The following PLCB1 variants were observed in gnomAD, a reference collection of about 807,000 sequenced individuals.
PLCB1 encodes the protein 1-phosphatidylinositol 4,5-bisphosphate phosphodiesterase beta-1.
PLCB1 carries 46 observed loss-of-function variants against 161.8 expected under a neutral mutation model. That is an observed-to-expected ratio of 0.28 (90% CI 0.22 to 0.36). PLCB1 has a LOEUF of 0.36. Among genes scored for constraint, PLCB1 ranks in the 10% least tolerant of loss-of-function variants. PLCB1 has a pLI of 1.00. For missense variants in PLCB1, 1,016 were observed against 1,472.5 expected (o/e 0.69, Z 5.07); for synonymous variants, 517 against 503.7 (o/e 1.03, Z -0.35).
At chr20:8,364,702 C>A (rs968812123) in intron 2 of PLCB1, among the ~76,000 whole-genome samples, 1 of 152,172 alleles carries the variant, frequency 6.6e-6, no homozygotes, top group Non-Finnish European at 1.5e-5. Flanking sequence ...GATAAAAGTC[C>A]AAGGTCTTTT....
At chr20:8,465,547 C>G (rs1312961446) in intron 3 of PLCB1, among the ~76,000 whole-genome samples, 1 of 152,154 alleles carries the variant, frequency 6.6e-6, no homozygotes, top group African/African-American at 2.4e-5. Flanking sequence ...CCAACTCACA[C>G]ATTTGAAATC....
At position 8,883,826 on chromosome 20, in the gene PLCB1, T is replaced by A. The variant is rs888239433; in HGVS notation, c.*1977T>A. The A allele has an allele frequency of 2.7e-5, 4 of 150,706 alleles. No individual in the cohort carries two copies. Among genetic ancestry groups the A allele is most frequent in the Non-Finnish European group, 5.9e-5 (4 of 67,522 alleles). The allele number at this position is 150,706 out of a possible 1,614,324, so 9.3% of individuals were successfully genotyped here. ...AACTTAACTTCCAATGAAAAAGAAA[T>A]CTTTTGTAAATCATTCTACTTTTGC... On this transcript the variant is annotated 3_prime_UTR_variant, in exon 32 of 32. Transcript: ENST00000338037.
At chr20:8,135,463 G>A (rs897405135) in intron 1 of PLCB1, among the ~76,000 whole-genome samples, 6 of 152,140 alleles carry the variant, frequency 3.9e-5, no homozygotes, top group African/African-American at 1.4e-4. Flanking sequence ...GGCTGTGGAT[G>A]CTCTAAGGGT....
intron 2 of PLCB1, among the ~76,000 whole-genome samples, chr20:8,345,092 G>A (rs752477316): frequency 4.6e-5 from 7 of 152,158 alleles, no homozygotes; most frequent in Non-Finnish European, 1.0e-4. Flanking sequence ...TTTTTGAAAA[G>A]TAAAGAAGCT....
At chr20:8,162,656 C>T (rs545433128) in intron 2 of PLCB1, among the ~76,000 whole-genome samples, 1 of 152,302 alleles carries the variant, frequency 6.6e-6, no homozygotes, top group Admixed American at 6.5e-5. Context: ...TTCTCCCTGG[C>T]ATTGTGCAAA....
Position 8,281,046 on chromosome 20 carries a change from T to A in PLCB1, c.178-90336T>A, listed in dbSNP as rs183570629. ...CTTTTCTGGCCTGTGTACCTTTCTATGGCTACATAAAAAAATTAATAACCT... is the reference window on the plus strand; with the variant it reads ...CTTTTCTGGCCTGTGTACCTTTCTAAGGCTACATAAAAAAATTAATAACCT... On this transcript the variant is annotated intron_variant, in intron 2 of 31. Transcript: ENST00000338037. Among the ~76,000 whole-genome samples, 97 of 152,342 alleles carry A rather than the reference T, an allele frequency of 6.4e-4. 1 individual carries two copies. In the Middle Eastern group the frequency reaches 0.027, roughly 43 times the overall value.
intron 24 of PLCB1, among the ~76,000 whole-genome samples, chr20:8,759,896 ATTTTTTTTTT>A (rs3033840): frequency 5.1e-5 from 4 of 78,272 alleles, no homozygotes; most frequent in African/African-American, 2.0e-4. Context: ...ATAATATCAC[ATTTTTTTTTT>A]TTTTTTTTTT....
intron 2 of PLCB1, among the ~76,000 whole-genome samples, chr20:8,168,126 A>G (rs1366069437): frequency 1.3e-5 from 2 of 152,230 alleles, no homozygotes; most frequent in Admixed American, 6.5e-5. Context: ...CAGAATTGCC[A>G]TACTGGCACT....
intron 26 of PLCB1, among the ~76,000 whole-genome samples, chr20:8,771,299 C>T (rs1377360726): frequency 6.6e-6 from 1 of 152,070 alleles, no homozygotes; most frequent in Non-Finnish European, 1.5e-5. Context: ...AAATTAATTT[C>T]ACTCACTTAT....
In PLCB1 at chr20:8,175,803, CA is replaced by C. The variant is rs540886517; in HGVS notation, c.177+25433del. ...AGAATACATAAAGGACCTTCAAATT[CA>C]CAGGAAAAAAAACAAAAAACAAAAA... On this transcript the variant is annotated intron_variant, in intron 2 of 31. Transcript: ENST00000338037. 3.6e-4 allele frequency among the ~76,000 whole-genome samples: 55 copies of C among 151,912 alleles called. 1 individual carries two copies. Among genetic ancestry groups the C allele is most frequent in the African/African-American group, 1.3e-3 (54 of 41,442 alleles).
intron 2 of PLCB1, among the ~76,000 whole-genome samples, chr20:8,238,298 A>C (rs1568601311): frequency 6.6e-6 from 1 of 152,042 alleles, no homozygotes; most frequent in East Asian, 1.9e-4. Context: ...CTCCTGAATC[A>C]GACATGTCAG....
intron 2 of PLCB1, among the ~76,000 whole-genome samples, chr20:8,183,031 G>A (rs991350805): frequency 6.6e-6 from 1 of 152,150 alleles, no homozygotes; most frequent in African/African-American, 2.4e-5. Context: ...ATTCAGCTGA[G>A]CTGGGCCCAG....
At chr20:8,375,427 A>C (rs1987040972) in intron 3 of PLCB1, among the ~76,000 whole-genome samples, 1 of 152,256 alleles carries the variant, frequency 6.6e-6, no homozygotes, top group Non-Finnish European at 1.5e-5. Flanking sequence ...GCTCATGTGC[A>C]GCTTTCATAA....
intron 3 of PLCB1, among the ~76,000 whole-genome samples, chr20:8,391,828 C>CATATAT (rs1987613909): frequency 1.5e-5 from 2 of 132,414 alleles, no homozygotes; most frequent in South Asian, 2.5e-4. Flanking sequence ...TATATATACA[C>CATATAT]ACACATATAT....
chr20:8,657,854 A>G (rs6140672), intron 8 of PLCB1, among the ~76,000 whole-genome samples: 14,267 of 152,196 alleles, frequency 0.094, 787 homozygotes, highest in African/African-American at 0.15. Flanking sequence ...ACTGAAATCC[A>G]CATGACAGAA....
intron 2 of PLCB1, among the ~76,000 whole-genome samples, chr20:8,295,548 A>G (rs1046567124): frequency 6.6e-6 from 1 of 152,236 alleles, no homozygotes; most frequent in Non-Finnish European, 1.5e-5. Flanking sequence ...GACCAAATCT[A>G]TGTTTGCTAA....
At chr20:8,541,320 A>G (rs1046893249) in intron 3 of PLCB1, among the ~76,000 whole-genome samples, 2 of 152,202 alleles carry the variant, frequency 1.3e-5, no homozygotes, top group Admixed American at 6.5e-5. Context: ...TTCCACAGGC[A>G]GAAGAGAGCC....
rs867807355 is a variant in PLCB1, at chr20:8,215,275, G to A, written c.177+64904G>A. On this transcript the variant is annotated intron_variant, in intron 2 of 31. Transcript: ENST00000338037. ...GCTTCTTAAATTTCGGAATCGATTT[G>A]TTAATCTCAAAAGGCCGTAAAAACC... 1.5e-4 allele frequency among the ~76,000 whole-genome samples: 23 copies of A among 151,834 alleles called. No individual in the cohort carries two copies. In the South Asian group the frequency reaches 2.9e-3, roughly 19 times the overall value.
At chr20:8,188,231 G>C (rs1384942000) in intron 2 of PLCB1, among the ~76,000 whole-genome samples, 2 of 152,084 alleles carry the variant, frequency 1.3e-5, no homozygotes, top group Admixed American at 6.6e-5. Flanking sequence ...AAGACCAATG[G>C]CACAAGTACA....
Sources: allele counts gnomAD v4.1 joint callset (sites outside exome capture counted in the v4.1 genomes callset), GRCh38; gene constraint gnomAD v4.1.1; transcripts MANE v1.5; gene names NCBI Gene and HGNC (gene_info 2026-07-23, HGNC 2026-07-21).